Variants in FOXK2 observed in about 807,000 individuals in gnomAD.
The protein encoded by FOXK2 is forkhead box K2, also known as forkhead box protein K2.
A neutral mutation model predicts 53.3 loss-of-function variants in FOXK2; 24 were observed. That is an observed-to-expected ratio of 0.45 (90% CI 0.33 to 0.63). FOXK2 has a LOEUF of 0.63. Among genes scored for constraint, FOXK2 ranks in the 30% least tolerant of loss-of-function variants. The pLI is 0.03. For missense variants in FOXK2, 952 were observed against 910.5 expected (o/e 1.05, Z -0.59); for synonymous variants, 505 against 407.1 (o/e 1.24, Z -2.89).
chr17:82,575,473 G>C (rs1158929016), intron 4 of FOXK2, among the ~76,000 whole-genome samples: 4 of 152,148 alleles, frequency 2.6e-5, no homozygotes, highest in Non-Finnish European at 5.9e-5. Context: ...ATAGTACTTT[G>C]ATCTTTAAGT....
At position 82,584,113 on chromosome 17, in the gene FOXK2, C is replaced by A; in HGVS notation, c.1204C>A (p.Leu402Met). Residue 402 changes from leucine (L) to methionine (M), a missense_variant, in exon 6 of 9, where the codon CTG becomes ATG. Transcript: ENST00000335255. The stretch of plus-strand genomic sequence containing the variant: ...GTCGAGGGAAGGTTCGCCGGCCCCC[C>A]TGGAGCCTGAGCCTGGCGCTGCACA... ...SLSREGSPAPLEPEPGAAQPK... is the reference protein window; with the variant it reads ...SLSREGSPAPMEPEPGAAQPK... 6.2e-7 allele frequency: 1 copy of A among 1,611,476 alleles called. No homozygotes were observed.
At position 82,604,254 on chromosome 17, in the gene FOXK2, A is replaced by G. The variant is rs1044707556; in HGVS notation, c.*2755A>G. 5 of 151,020 alleles carry G rather than the reference A, an allele frequency of 3.3e-5. No homozygotes were observed. Among genetic ancestry groups the G allele is most frequent in the African/African-American group, 1.0e-4 (4 of 40,180 alleles). 9.4% of individuals were successfully genotyped at this position (151,020 alleles called of 1,614,324 possible). A position where few individuals can be genotyped will look rare whatever the true frequency, so the allele number is the denominator to read the frequency against. ...ACAAAAGGGAACTCCCGTATGACCC[A>G]CGTCACGTGGTGCACTCAGAGTGTG... is the stretch of plus-strand genomic sequence containing the variant. On this transcript the variant is annotated 3_prime_UTR_variant, in exon 9 of 9. Coordinates refer to ENST00000335255, the MANE Select transcript of FOXK2 (RefSeq NM_004514.4).
intron 1 of FOXK2, among the ~76,000 whole-genome samples, chr17:82,541,290 T>TC (rs950893701): frequency 6.6e-6 from 1 of 151,934 alleles, no homozygotes; most frequent in Admixed American, 6.6e-5. Flanking sequence ...TTTTTTTTTT[T>TC]CAGTCAGAGT....
intron 8 of FOXK2, among the ~76,000 whole-genome samples, chr17:82,597,890 T>C (rs1055925645): frequency 5.3e-5 from 8 of 152,166 alleles, no homozygotes; most frequent in Admixed American, 2.6e-4. Flanking sequence ...CCTCAGGTGA[T>C]CCGCCCACCT....
At position 82,519,989 on chromosome 17, in the gene FOXK2, G is replaced by T. The variant is rs902050063; in HGVS notation, c.101G>T (p.Gly34Val). ...GAGGGGSPPGGWAVARLEGRE... is the reference protein window; with the variant it reads ...GAGGGGSPPGVWAVARLEGRE... The stretch of plus-strand genomic sequence containing the variant: ...GGGGGCGGCGGGTCCCCGCCGGGCG[G>T]CTGGGCCGTGGCGCGCCTGGAGGGC... The change falls in exon 1 of 9, where the codon GGC (glycine) becomes GTC (valine). Residue 34 changes from glycine (G) to valine (V), a missense_variant. Gly to Val is a moderately radical substitution (Grantham distance 109). Coordinates refer to ENST00000335255, the MANE Select transcript of FOXK2 (RefSeq NM_004514.4). The T allele has an allele frequency of 1.3e-5, 18 of 1,400,608 alleles. No individual in the cohort carries two copies. The highest frequency in any genetic ancestry group is 1.7e-5 in the Non-Finnish European group (18 of 1,068,068). 86.8% of individuals were successfully genotyped at this position (1,400,608 alleles called of 1,614,324 possible).
chr17:82,549,364 A>G (rs1248036550), intron 1 of FOXK2, among the ~76,000 whole-genome samples: 1 of 152,092 alleles, frequency 6.6e-6, no homozygotes, highest in African/African-American at 2.4e-5. Flanking sequence ...TCCTTATTAC[A>G]GTTACAGTAC....
At chr17:82,549,541 A>T (rs938018365) in intron 1 of FOXK2, among the ~76,000 whole-genome samples, 2 of 151,606 alleles carry the variant, frequency 1.3e-5, no homozygotes, top group African/African-American at 4.9e-5. Flanking sequence ...TCTCCTTATT[A>T]CAGTTGCAGT....
At chr17:82,555,606 C>T (rs759048596) in intron 1 of FOXK2, among the ~76,000 whole-genome samples, 20 of 151,766 alleles carry the variant, frequency 1.3e-4, no homozygotes, top group Non-Finnish European at 2.8e-4. Flanking sequence ...TCACTGTCAC[C>T]GGGCGCGGTG....
Position 82,587,005 on chromosome 17 carries a change from CA to C in FOXK2, c.1577-56del, listed in dbSNP as rs796756076. On this transcript the variant is annotated intron_variant, in intron 7 of 8. Transcript: ENST00000335255. ...ATCTGGTTATTATGTTTTAAACTGG[CA>C]AGATTTTTATTTGCTTTCCAGTAAT... The C allele has an allele frequency of 1.1e-4, 171 of 1,542,372 alleles. 3 individuals are homozygous for C. In the Middle Eastern group the frequency reaches 2.0e-3, roughly 18 times the overall value.
chr17:82,537,901 A>G (rs911622184), intron 1 of FOXK2, among the ~76,000 whole-genome samples: 10 of 143,720 alleles, frequency 7.0e-5, no homozygotes, highest in African/African-American at 1.3e-4. Flanking sequence ...CAGCCTGGCA[A>G]TGGAGACTCT....
At position 82,519,777 on chromosome 17, in the gene FOXK2, C is replaced by A. The variant is rs1007697762; in HGVS notation, c.-112C>A. ...CGCTCGCCGGCCGGCGGCCTCCGCTCGGCCCCCTCCCTCAGCTCCGGTGCG... is the reference window on the plus strand; with the variant it reads ...CGCTCGCCGGCCGGCGGCCTCCGCTAGGCCCCCTCCCTCAGCTCCGGTGCG... On this transcript the variant is annotated 5_prime_UTR_variant, in exon 1 of 9. Coordinates refer to ENST00000335255, the MANE Select transcript of FOXK2 (RefSeq NM_004514.4). 1 of 295,834 alleles carries A rather than the reference C, an allele frequency of 3.4e-6. No individual in the cohort carries two copies. The highest frequency in any genetic ancestry group is 4.9e-6 in the Non-Finnish European group (1 of 203,126). 18.3% of individuals were successfully genotyped at this position (295,834 alleles called of 1,614,324 possible). A position where few individuals can be genotyped will look rare whatever the true frequency, so the allele number is the denominator to read the frequency against.
chr17:82,550,123 T>A (rs1208323008), intron 1 of FOXK2, among the ~76,000 whole-genome samples: 2 of 152,314 alleles, frequency 1.3e-5, no homozygotes, highest in East Asian at 3.9e-4. Flanking sequence ...TGCTTCAGCC[T>A]GGGCTTGCAG....
In FOXK2 at chr17:82,584,109, C is replaced by A. The variant is rs530148354; in HGVS notation, c.1200C>A (p.Ala400=). The change falls in exon 6 of 9, where the codon GCC becomes GCA. Residue 400 remains alanine, a synonymous_variant. Transcript: ENST00000335255. ...PESLSREGSP[A]PLEPEPGAAQ... is the part of the protein sequence containing the mutation. Reference sequence around the variant, plus strand: ...GCCTGTCGAGGGAAGGTTCGCCGGCCCCCCTGGAGCCTGAGCCTGGCGCTG... The same window carrying A: ...GCCTGTCGAGGGAAGGTTCGCCGGCACCCCTGGAGCCTGAGCCTGGCGCTG... 5.0e-5 allele frequency: 80 copies of A among 1,611,316 alleles called. No homozygotes were observed. The East Asian group carries it at 1.5e-3, about 30-fold the overall frequency.
intron 1 of FOXK2, among the ~76,000 whole-genome samples, chr17:82,536,343 G>C (rs907467896): frequency 2.6e-5 from 4 of 152,112 alleles, no homozygotes; most frequent in Non-Finnish European, 5.9e-5. Context: ...TTTTGTTGTT[G>C]TTGCAAACTG....
chr17:82,561,442 T>A (rs1429358657), intron 1 of FOXK2, among the ~76,000 whole-genome samples: 1 of 152,102 alleles, frequency 6.6e-6, no homozygotes, highest in Non-Finnish European at 1.5e-5. Flanking sequence ...AGTCGAGGCC[T>A]GGAGCATTGA....
intron 1 of FOXK2, among the ~76,000 whole-genome samples, chr17:82,544,720 G>A (rs947812946): frequency 3.9e-5 from 6 of 152,172 alleles, no homozygotes; most frequent in African/African-American, 1.2e-4. Context: ...AAAAGGGATT[G>A]TGGACCTTTA....
intron 1 of FOXK2, among the ~76,000 whole-genome samples, chr17:82,523,923 C>T (rs1010542104): frequency 2.6e-5 from 4 of 152,118 alleles, no homozygotes; most frequent in African/African-American, 7.2e-5. Context: ...TATTACGAGT[C>T]TCACTCTGTT....
chr17:82,594,786 C>T (rs1378083552), intron 8 of FOXK2, among the ~76,000 whole-genome samples: 1 of 152,224 alleles, frequency 6.6e-6, no homozygotes, highest in Non-Finnish European at 1.5e-5. Flanking sequence ...TGGCTCACGC[C>T]TGCAATCCCA....
Position 82,522,470 on chromosome 17 carries a change from A to G in FOXK2, c.419+2163A>G, listed in dbSNP as rs541060693. 3.0e-4 allele frequency among the ~76,000 whole-genome samples: 45 copies of G among 149,360 alleles called. 1 individual carries two copies. The highest frequency in any genetic ancestry group is 1.2e-4 in the Non-Finnish European group (8 of 67,400). On this transcript the variant is annotated intron_variant, in intron 1 of 8. Transcript: ENST00000335255. The stretch of plus-strand genomic sequence containing the variant: ...TGCAAGCTATGCCTCCCGGGTTCAC[A>G]TCATTCTCCTGCCTCAGCCTCCCGA...
Sources: gnomAD v4.1 joint callset for allele counts (sites outside exome capture counted in the v4.1 genomes callset) on GRCh38, gnomAD v4.1.1 for gene constraint, MANE v1.5 for transcripts, NCBI Gene and HGNC (gene_info 2026-07-23, HGNC 2026-07-21) for gene names.